SMOC2: variants seen among roughly 807,000 people sequenced by gnomAD.
SMOC2 encodes SPARC related modular calcium binding 2.
Under a neutral mutation model 61.4 loss-of-function variants are expected in SMOC2, and 39 were observed. The ratio of observed to expected loss-of-function variants is 0.64; its 90% CI spans 0.49 to 0.83. The LOEUF is 0.83. Among genes scored for constraint, SMOC2 ranks in the 40% least tolerant of loss-of-function variants. The pLI, the probability that SMOC2 is intolerant of heterozygous loss-of-function variation, is 0.00. For missense variants in SMOC2, 556 were observed against 592.9 expected, an observed-to-expected ratio of 0.94 and a Z score of 0.65; for synonymous variants, 247 against 239.9, an observed-to-expected ratio of 1.03 and a Z score of -0.27.
At chr6:168,444,364 T>G (rs1036281637) in intron 1 of SMOC2, among the ~76,000 whole-genome samples, 1 of 152,204 alleles carries the variant, frequency 6.6e-6, no homozygotes, top group Admixed American at 6.5e-5. Flanking sequence ...GAGTGTGCTT[T>G]CTTGGTGGGT....
chr6:168,660,873 G>T (rs1354723792), intron 11 of SMOC2, among the ~76,000 whole-genome samples: 1 of 152,238 alleles, frequency 6.6e-6, no homozygotes, highest in Non-Finnish European at 1.5e-5. Flanking sequence ...TGATGCCATT[G>T]TCTTAGGTGA....
chr6:168,548,443 C>T lies in SMOC2; in HGVS notation c.563-686C>T, dbSNP rs1383184840. The stretch of plus-strand genomic sequence containing the variant: ...TGCGATCTCAGCTCACTGCAACCTC[C>T]GTCTCCTGGGCTCAAGCGATTCTCC... On this transcript the variant is annotated intron_variant, in intron 6 of 12. Transcript: ENST00000356284. Among the ~76,000 whole-genome samples the T allele has an allele frequency of 5.9e-5, 9 of 151,492 alleles. No homozygotes were observed. In the South Asian group the frequency reaches 8.4e-4, roughly 14 times the overall value.
At chr6:168,467,296 C>T (rs1781863120) in intron 1 of SMOC2, among the ~76,000 whole-genome samples, 1 of 146,482 alleles carries the variant, frequency 6.8e-6, no homozygotes, top group Non-Finnish European at 1.5e-5. Context: ...CATGCACCAC[C>T]ACACCCTGCT....
intron 4 of SMOC2, among the ~76,000 whole-genome samples, chr6:168,541,358 C>T (rs1183813696): frequency 6.6e-6 from 1 of 152,236 alleles, no homozygotes; most frequent in Non-Finnish European, 1.5e-5. Context: ...TGTCTGCAGA[C>T]ACTGTGCGTA....
chr6:168,555,077 C>G (rs1784215400), intron 7 of SMOC2, among the ~76,000 whole-genome samples: 1 of 152,246 alleles, frequency 6.6e-6, no homozygotes, highest in Non-Finnish European at 1.5e-5. Context: ...GCACAGCGCT[C>G]AGCGCTCGCC....
chr6:168,489,452 T>C (rs1782418584), intron 1 of SMOC2, among the ~76,000 whole-genome samples: 1 of 150,720 alleles, frequency 6.6e-6, no homozygotes, highest in South Asian at 2.1e-4. Flanking sequence ...GTGAAATATA[T>C]TGAATCGTCT....
intron 8 of SMOC2, among the ~76,000 whole-genome samples, chr6:168,604,841 T>A (rs1183855953): frequency 6.6e-6 from 1 of 152,208 alleles, no homozygotes; most frequent in Non-Finnish European, 1.5e-5. Context: ...CAGGAGCAGC[T>A]TGCTCTGGTG....
chr6:168,466,740 A>G lies in SMOC2; in HGVS notation c.84+25286A>G, dbSNP rs1015558453. Among the ~76,000 whole-genome samples the G allele has an allele frequency of 3.3e-5, 5 of 152,232 alleles. No homozygotes were observed. In the South Asian group the frequency reaches 6.2e-4, roughly 19 times the overall value. On this transcript the variant is annotated intron_variant, in intron 1 of 12. Coordinates refer to ENST00000356284, the MANE Select transcript of SMOC2 (RefSeq NM_001166412.2). ...GTGCACCTGCAACATGTTTATTTCC[A>G]TGTCGGCCAAGGCCGGTGGAGGGAG...
chr6:168,625,913 G>A (rs1422732677), intron 9 of SMOC2, among the ~76,000 whole-genome samples: 3 of 152,246 alleles, frequency 2.0e-5, no homozygotes, highest in Admixed American at 2.0e-4. Flanking sequence ...AGCGAATTCC[G>A]TGGTTACGTG....
chr6:168,592,676 C>T lies in SMOC2; in HGVS notation c.638-6142C>T, dbSNP rs71573477. On this transcript the variant is annotated intron_variant, in intron 7 of 12. Coordinates refer to ENST00000356284, the MANE Select transcript of SMOC2 (RefSeq NM_001166412.2). ...CTGAGCTCCTCCTCCTTCCTGAGGCCTCACGGGCATCTTTCTAGAGGATGG... is the reference window on the plus strand; with the variant it reads ...CTGAGCTCCTCCTCCTTCCTGAGGCTTCACGGGCATCTTTCTAGAGGATGG... Among the ~76,000 whole-genome samples, 56 of 70,300 alleles carry T rather than the reference C, an allele frequency of 8.0e-4. 1 individual carries two copies. The highest frequency in any genetic ancestry group is 1.3e-3 in the South Asian group (2 of 1,534). The allele number at this position is 70,300 out of a possible 152,430, so 46.1% of individuals were successfully genotyped here.
chr6:168,655,399 G>C (rs967130202), intron 11 of SMOC2: 2 of 456,680 alleles, frequency 4.4e-6, no homozygotes, highest in Non-Finnish European at 8.8e-6. Context: ...GTGACAGGAA[G>C]TAAGAGAAAC....
chr6:168,643,291 G>C (rs1786938972), intron 9 of SMOC2, among the ~76,000 whole-genome samples: 1 of 152,158 alleles, frequency 6.6e-6, no homozygotes, highest in South Asian at 2.1e-4. Context: ...TCTCCCAACA[G>C]CTTCCAGTTT....
intron 9 of SMOC2, among the ~76,000 whole-genome samples, chr6:168,624,153 G>A (rs1015959908): frequency 6.6e-6 from 1 of 152,176 alleles, no homozygotes; most frequent in African/African-American, 2.4e-5. Flanking sequence ...GAACTTAGAC[G>A]GTGTCAGCCT....
intron 7 of SMOC2, among the ~76,000 whole-genome samples, chr6:168,552,305 ATACTTT>A (rs1784145766): frequency 6.6e-6 from 1 of 152,324 alleles, no homozygotes; most frequent in Admixed American, 6.5e-5. Context: ...TTTTTAAAAT[ATACTTT>A]TACTTGTAAT....
At chr6:168,621,739 G>T (rs540004046) in intron 9 of SMOC2, among the ~76,000 whole-genome samples, 1 of 152,050 alleles carries the variant, frequency 6.6e-6, no homozygotes, top group South Asian at 2.1e-4. Flanking sequence ...GGACTCACTC[G>T]CTATCTGGAG....
chr6:168,619,595 A>C (rs1231284553), intron 9 of SMOC2, among the ~76,000 whole-genome samples: 1 of 152,248 alleles, frequency 6.6e-6, no homozygotes, highest in African/African-American at 2.4e-5. Context: ...TGGTTAGTTT[A>C]GACTTCCCTC....
chr6:168,628,289 C>T (rs145400616), intron 9 of SMOC2, among the ~76,000 whole-genome samples: 158 of 152,260 alleles, frequency 1.0e-3, no homozygotes, highest in African/African-American at 3.6e-3. Context: ...TCCCGTTGTC[C>T]TCTGTGTGGC....
chr6:168,574,172 C>T lies in SMOC2; in HGVS notation c.638-24646C>T, dbSNP rs570469721. On this transcript the variant is annotated intron_variant, in intron 7 of 12. Transcript: ENST00000356284. ...ACCCTCCTTCAGGGACTGAGCAGTG[C>T]ATGGGCACCTGTCATCCAGCACCAG... Among the ~76,000 whole-genome samples the T allele has an allele frequency of 2.0e-5, 3 of 152,402 alleles. No homozygotes were observed. In the East Asian group the frequency reaches 5.8e-4, roughly 29 times the overall value.
At position 168,441,379 on chromosome 6, in the gene SMOC2, C is replaced by A. The variant is rs771273803; in HGVS notation, c.9C>A (p.Leu3=). 5 of 1,506,956 alleles carry A rather than the reference C, an allele frequency of 3.3e-6. No individual in the cohort carries two copies. Among genetic ancestry groups the A allele is most frequent in the Non-Finnish European group, 4.4e-6 (5 of 1,133,460 alleles). The allele number at this position is 1,506,956 out of a possible 1,614,324, so 93.3% of individuals were successfully genotyped here. The change falls in exon 1 of 13, where the codon CTC becomes CTA. Residue 3 remains leucine, a synonymous_variant. Coordinates refer to ENST00000356284, the MANE Select transcript of SMOC2 (RefSeq NM_001166412.2). The part of the protein sequence containing the change: ML[L]PQLCWLPLLA... The stretch of plus-strand genomic sequence containing the variant: ...CCGCCACCTCCGCCACCATGCTGCT[C>A]CCCCAGCTCTGCTGGCTGCCGCTGC...
Sources: allele counts gnomAD v4.1 joint callset (sites outside exome capture counted in the v4.1 genomes callset), GRCh38; gene constraint gnomAD v4.1.1; transcripts MANE v1.5; gene names NCBI Gene and HGNC (gene_info 2026-07-23, HGNC 2026-07-21).